Variants in COL16A1 observed in about 807,000 individuals in gnomAD.
COL16A1 encodes collagen type XVI alpha 1 chain, also known as collagen alpha-1(XVI) chain.
A neutral mutation model predicts 266.3 loss-of-function variants in COL16A1; 189 were observed. The observed-to-expected ratio is 0.71, with a 90% confidence interval of 0.63 to 0.80. The LOEUF is 0.80. Ranked by LOEUF, COL16A1 falls within the 30% of genes least tolerant of loss-of-function variation. COL16A1 has a pLI of 0.00. For synonymous variants in COL16A1, 740 were observed against 782.3 expected (o/e 0.95, Z 0.90); for missense variants, 1,928 against 2,122.4 (o/e 0.91, Z 1.80).
chr1:31,668,708 T>G lies in COL16A1; in HGVS notation c.3249+94A>C. 1.4e-6 allele frequency: 2 copies of G among 1,380,100 alleles called. No homozygotes were observed. Among genetic ancestry groups the G allele is most frequent in the South Asian group, 2.3e-5 (2 of 85,718 alleles). 85.5% of individuals were successfully genotyped at this position (1,380,100 alleles called of 1,614,324 possible). ...GTCTCAAGGAGTCCACCTCCCAGCT[T>G]CCACTCAGCAGCCACCCTTCAGAGC... On this transcript the variant is annotated intron_variant, in intron 50 of 70. Transcript: ENST00000373672. The surrounding 1 kb of genome is among the most constrained non-coding windows in gnomAD (Gnocchi z 5.8).
chr1:31,681,211 G>A, intron 37 of COL16A1, 144 bp from the exon 38 acceptor site: 2 of 1,188,154 alleles, frequency 1.7e-6, no homozygotes, highest in Non-Finnish European at 2.3e-6. Context: ...TTCCAGAGGA[G>A]GAGACTGAGG....
chr1:31,654,686 G>C (rs1027205561), intron 68 of COL16A1, 106 bp downstream of exon 68: 7 of 1,595,578 alleles, frequency 4.4e-6, no homozygotes, highest in Non-Finnish European at 6.0e-6. Context: ...TGGAGGGTGA[G>C]AGCAGGAGGA....
Position 31,658,913 on chromosome 1 carries a change from C to G in COL16A1, c.3930+1G>C. 1 of 1,553,256 alleles carries G rather than the reference C, an allele frequency of 6.4e-7. No homozygotes were observed. Among genetic ancestry groups the G allele is most frequent in the Non-Finnish European group, 8.7e-7 (1 of 1,147,878 alleles). ...AGGAAGGAGTGGAGCATGTTACTCA[C>G]CACTGCAGAGATCCCAGCTGGTCCT... On this transcript the variant is annotated splice_donor_variant, in intron 63 of 70. Coordinates refer to ENST00000373672, the MANE Select transcript of COL16A1 (RefSeq NM_001856.4). LOFTEE classifies it high-confidence loss of function.
At chr1:31,693,582 C>T (rs1337817163) in intron 12 of COL16A1, among the ~76,000 whole-genome samples, 1 of 152,196 alleles carries the variant, frequency 6.6e-6, no homozygotes, top group Non-Finnish European at 1.5e-5. Context: ...TGTCGCCTTT[C>T]TGAGCCTCAG....
Position 31,661,176 on chromosome 1 carries a change from C to T in COL16A1, c.3772-57G>A, listed in dbSNP as rs925064811. On this transcript the variant is annotated intron_variant, in intron 60 of 70. Coordinates refer to ENST00000373672, the MANE Select transcript of COL16A1 (RefSeq NM_001856.4). Reference sequence around the variant, plus strand: ...AGACCTTCACTTGACATCCCTACCCCAAGTCAACCTCACATCAGAGGGACC... The same window carrying T: ...AGACCTTCACTTGACATCCCTACCCTAAGTCAACCTCACATCAGAGGGACC... 3 of 1,542,256 alleles carry T rather than the reference C, an allele frequency of 1.9e-6. No individual in the cohort carries two copies. The African/African-American group carries it at 4.1e-5, about 21-fold the overall frequency.
intron 30 of COL16A1, 58 bp from the exon 31 acceptor site, chr1:31,684,688 C>A: frequency 3.1e-6 from 5 of 1,607,258 alleles, no homozygotes; most frequent in Non-Finnish European, 4.3e-6. Context: ...CAGGTTGCCC[C>A]CCTGGGACTC....
chr1:31,666,044 C>G lies in COL16A1; in HGVS notation c.3395G>C (p.Gly1132Ala). 6.2e-7 allele frequency: 1 copy of G among 1,613,440 alleles called. No homozygotes were observed. The highest frequency in any genetic ancestry group is 8.5e-7 in the Non-Finnish European group (1 of 1,179,802). ...PGSEGLPGPP[G>A]PAGPRGERGP... Reference sequence around the variant, plus strand: ...ATGCCCTCCTTCACTCACCGCTGGGCCTGGGGGGCCTGGGAGGCCTTCAGA... The same window carrying G: ...ATGCCCTCCTTCACTCACCGCTGGGGCTGGGGGGCCTGGGAGGCCTTCAGA... Residue 1132 changes from glycine (G) to alanine (A), a missense_variant, in exon 53 of 71, where the codon GGC becomes GCC. Gly to Ala is a moderately conservative substitution (Grantham distance 60). Around this residue, in one of 2 missense-constraint regions of COL16A1, gnomAD observed 1,552 missense variants for 1,637.2 expected, o/e 0.95. Coordinates refer to ENST00000373672, the MANE Select transcript of COL16A1 (RefSeq NM_001856.4).
At chr1:31,677,031 G>A (rs1643246351) in intron 42 of COL16A1, among the ~76,000 whole-genome samples, 2 of 152,246 alleles carry the variant, frequency 1.3e-5, no homozygotes, top group Non-Finnish European at 1.5e-5. Context: ...AGGGCTTAGA[G>A]CAGTGCCTGG....
In COL16A1 at chr1:31,660,587, C is replaced by T. The variant is rs754855376; in HGVS notation, c.3877G>A (p.Val1293Ile). Residue 1293 changes from valine (V) to isoleucine (I), a missense_variant and splice_region_variant, in exon 62 of 71, where the codon GTT (valine) becomes ATT (isoleucine). By Grantham distance (29) the Val-to-Ile change is conservative. Around this residue, in one of 2 missense-constraint regions of COL16A1, gnomAD observed 376 missense variants for 485.2 expected, o/e 0.77. Coordinates refer to ENST00000373672, the MANE Select transcript of COL16A1 (RefSeq NM_001856.4). The part of the protein sequence containing the change: ...PQGRPGPPGH[V>I]GPPGPPGQPG... ...GAGACAAAAGTGGTTCAACTCACAACGTGTCCCGGGGGACCGGGTCTTCCC... is the reference window on the plus strand; with the variant it reads ...GAGACAAAAGTGGTTCAACTCACAATGTGTCCCGGGGGACCGGGTCTTCCC... 1.7e-5 allele frequency: 28 copies of T among 1,614,024 alleles called. No individual in the cohort carries two copies. The highest frequency in any genetic ancestry group is 3.3e-5 in the Admixed American group (2 of 60,010).
chr1:31,684,339 G>C, intron 31 of COL16A1, 108 bp from the exon 32 acceptor site: 1 of 1,445,854 alleles, frequency 6.9e-7, no homozygotes. Flanking sequence ...TCCCACGTCA[G>C]CCTGGGAAAT....
intron 47 of COL16A1, among the ~76,000 whole-genome samples, chr1:31,672,128 T>A (rs1642768960): frequency 1.3e-5 from 2 of 152,020 alleles, no homozygotes; most frequent in South Asian, 4.2e-4. Context: ...AAGAGGGTGG[T>A]CAGGGGAGGT....
rs1480452329 is a variant in COL16A1, at chr1:31,685,820, T to C, written c.1885-50A>G. 4.4e-6 allele frequency: 7 copies of C among 1,601,782 alleles called. No individual in the cohort carries two copies. Among genetic ancestry groups the C allele is most frequent in the Non-Finnish European group, 6.0e-6 (7 of 1,171,512 alleles). On this transcript the variant is annotated intron_variant, in intron 28 of 70. Coordinates refer to ENST00000373672, the MANE Select transcript of COL16A1 (RefSeq NM_001856.4). This position sits in a 1 kb window ranked among gnomAD's most constrained non-coding sequence, Gnocchi z 4.0. ...GGGGGTCCCCCAGGCCCTAGTGCAC[T>C]TGAGCGAGGTTTGGAATCTAGGGCT...
At chr1:31,679,568 G>C (rs766513319) in intron 42 of COL16A1, 64 bp downstream of exon 42, 1 of 1,614,046 alleles carries the variant, frequency 6.2e-7, no homozygotes, top group South Asian at 1.1e-5. Context: ...GGTCCAGCCG[G>C]GAGCAGCCAT....
At chr1:31,703,376 C>A (rs1339724264) in intron 1 of COL16A1, among the ~76,000 whole-genome samples, 1 of 152,150 alleles carries the variant, frequency 6.6e-6, no homozygotes, top group Non-Finnish European at 1.5e-5. Context: ...CCCCCTTCTC[C>A]CTGGGACAGA....
rs745602924 is a variant in COL16A1, at chr1:31,668,785, T to C, written c.3249+17A>G. The C allele has an allele frequency of 6.8e-6, 11 of 1,613,768 alleles. No homozygotes were observed. The African/African-American group carries it at 1.3e-4, about 20-fold the overall frequency. ...TCCCTTTCCAGCCCTTTCCAGCCCCTGCCAGCTTCTTCTTACCGGCTCCCC... is the reference window on the plus strand; with the variant it reads ...TCCCTTTCCAGCCCTTTCCAGCCCCCGCCAGCTTCTTCTTACCGGCTCCCC... On this transcript the variant is annotated intron_variant, in intron 50 of 70. Coordinates refer to ENST00000373672, the MANE Select transcript of COL16A1 (RefSeq NM_001856.4). The surrounding 1 kb of genome is among the most constrained non-coding windows in gnomAD (Gnocchi z 5.8).
intron 37 of COL16A1, among the ~76,000 whole-genome samples, chr1:31,681,891 G>A (rs923055910): frequency 3.3e-5 from 5 of 152,356 alleles, no homozygotes; most frequent in African/African-American, 7.2e-5. Flanking sequence ...AATAGAGACC[G>A]GCTGTGTGGG....
chr1:31,698,615 G>A lies in COL16A1; in HGVS notation c.267-9C>T. ...CCCGAGGGAATACTCTTCTGGAGAT[G>A]GAGCAGGGAGGGTGCCCTGAGGCTC... is the stretch of plus-strand genomic sequence containing the variant. On this transcript the variant is annotated splice_polypyrimidine_tract_variant and intron_variant, in intron 4 of 70. Transcript: ENST00000373672. The surrounding 1 kb of genome is among the most constrained non-coding windows in gnomAD (Gnocchi z 4.1). 1 of 1,613,442 alleles carries A rather than the reference G, an allele frequency of 6.2e-7. No homozygotes were observed. The highest frequency in any genetic ancestry group is 8.5e-7 in the Non-Finnish European group (1 of 1,179,870).
At chr1:31,662,754 G>T in intron 56 of COL16A1, 96 bp from the exon 57 acceptor site, 2 of 1,292,688 alleles carry the variant, frequency 1.5e-6, no homozygotes, top group Non-Finnish European at 2.1e-6. Flanking sequence ...AAGGGTCCTG[G>T]TGACTGCTGG....
Position 31,685,940 on chromosome 1 carries a change from C to A in COL16A1, c.1884+151G>T. ...GAACAGGAAAGAAACAAAGGTGGAGCTGAGTCATCAGGGGTCTCCATGCCT... is the reference window on the plus strand; with the variant it reads ...GAACAGGAAAGAAACAAAGGTGGAGATGAGTCATCAGGGGTCTCCATGCCT... On this transcript the variant is annotated intron_variant, in intron 28 of 70. Transcript: ENST00000373672. The surrounding 1 kb of genome is among the most constrained non-coding windows in gnomAD (Gnocchi z 4.0). 1 of 1,460,982 alleles carries A rather than the reference C, an allele frequency of 6.8e-7. No homozygotes were observed. The highest frequency in any genetic ancestry group is 1.3e-5 in the South Asian group (1 of 75,832). The allele number at this position is 1,460,982 out of a possible 1,614,324, so 90.5% of individuals were successfully genotyped here.
Sources: gnomAD v4.1 joint callset for allele counts (sites outside exome capture counted in the v4.1 genomes callset) on GRCh38, gnomAD v4.1.1 for gene constraint, gnomAD v4.1.1 regional missense constraint, Gnocchi (gnomAD v3.1) non-coding constraint, MANE v1.5 for transcripts, NCBI Gene and HGNC (gene_info 2026-07-23, HGNC 2026-07-21) for gene names.